FLT1: variants seen among roughly 807,000 people sequenced by gnomAD.
The protein encoded by FLT1 is fms related receptor tyrosine kinase 1, also known as vascular endothelial growth factor receptor 1.
A neutral mutation model predicts 156.3 loss-of-function variants in FLT1; 49 were observed. The ratio of observed to expected loss-of-function variants is 0.31; its 90% CI spans 0.25 to 0.40. The LOEUF is 0.40. Ranked by LOEUF, FLT1 falls within the 10% of genes least tolerant of loss-of-function variation. FLT1 has a pLI of 1.00. For missense variants in FLT1, 1,322 were observed against 1,637.2 expected (o/e 0.81, Z 3.32); for synonymous variants, 594 against 583.8 (o/e 1.02, Z -0.25).
At chr13:28,432,694 A>G (rs1877767771) in intron 6 of FLT1, among the ~76,000 whole-genome samples, 1 of 152,248 alleles carries the variant, frequency 6.6e-6, no homozygotes, top group South Asian at 2.1e-4. Context: ...GGATATTTCC[A>G]TCACAGAAAG....
At chr13:28,458,152 G>T (rs1180216403) in intron 3 of FLT1, among the ~76,000 whole-genome samples, 1 of 151,866 alleles carries the variant, frequency 6.6e-6, no homozygotes, top group Non-Finnish European at 1.5e-5. Context: ...CGTCAGGCTG[G>T]TGACCCCAAG....
chr13:28,485,736 G>T (rs749933271), intron 1 of FLT1, among the ~76,000 whole-genome samples: 1 of 152,176 alleles, frequency 6.6e-6, no homozygotes, highest in Non-Finnish European at 1.5e-5. Context: ...TGTTGTAGGC[G>T]TTCCAAAGCC....
At chr13:28,457,933 C>CTTTTTTTTTTTTTTTTTTT (rs894090277) in intron 3 of FLT1, among the ~76,000 whole-genome samples, 10 of 114,206 alleles carry the variant, frequency 8.8e-5, no homozygotes, top group East Asian at 2.4e-4. Context: ...CTTTCCTTTT[C>CTTTTTTTTTTTTTTTTTTT]TTTTTTTTTT....
Position 28,300,526 on chromosome 13 carries a change from CACACA to C in FLT1, c.*2636_*2640del, listed in dbSNP as rs1282821298. The C allele has an allele frequency of 2.5e-3, 39 of 15,720 alleles. No homozygotes were observed. In the Admixed American group the frequency reaches 0.025, roughly 10 times the overall value. 1.0% of individuals were successfully genotyped at this position (15,720 alleles called of 1,614,324 possible). A position where few individuals can be genotyped will look rare whatever the true frequency, so the allele number is the denominator to read the frequency against. The stretch of plus-strand genomic sequence containing the variant: ...TGCACAAAACACACATACACCCACA[CACACA>C]CACACACACACACACACACACACAC... On this transcript the variant is annotated 3_prime_UTR_variant, in exon 30 of 30. Coordinates refer to ENST00000282397, the MANE Select transcript of FLT1 (RefSeq NM_002019.4).
chr13:28,398,668 G>C (rs1349270937), intron 11 of FLT1, among the ~76,000 whole-genome samples: 1 of 152,096 alleles, frequency 6.6e-6, no homozygotes, highest in East Asian at 1.9e-4. Flanking sequence ...TATACTCCCT[G>C]TGTATTATTG....
At chr13:28,455,616 C>A (rs1367899882) in intron 3 of FLT1, among the ~76,000 whole-genome samples, 1 of 152,138 alleles carries the variant, frequency 6.6e-6, no homozygotes, top group African/African-American at 2.4e-5. Context: ...AAGGCATGAT[C>A]TACAAAACAA....
intron 20 of FLT1, among the ~76,000 whole-genome samples, 185 bp from the exon 21 acceptor site, chr13:28,323,131 A>G (rs889669839): frequency 7.9e-5 from 12 of 151,904 alleles, no homozygotes; most frequent in Admixed American, 3.3e-4. Flanking sequence ...TGCAGAGTCT[A>G]TTGTGCTCTT....
At chr13:28,486,211 A>G (rs1396628163) in intron 1 of FLT1, among the ~76,000 whole-genome samples, 1 of 152,176 alleles carries the variant, frequency 6.6e-6, no homozygotes, top group Admixed American at 6.5e-5. Flanking sequence ...AGGAAGGGGG[A>G]AGCAGTTTGA....
intron 15 of FLT1, among the ~76,000 whole-genome samples, chr13:28,346,027 A>G (rs1872555033): frequency 6.6e-6 from 1 of 151,932 alleles, no homozygotes; most frequent in Non-Finnish European, 1.5e-5. Flanking sequence ...AAAATTCTTC[A>G]AAGTAGAATT....
chr13:28,422,643 A>G (rs1004592420), intron 10 of FLT1, among the ~76,000 whole-genome samples: 1 of 152,194 alleles, frequency 6.6e-6, no homozygotes, highest in African/African-American at 2.4e-5. Flanking sequence ...TCATGAGAGT[A>G]CCAGGAAGGA....
At position 28,438,248 on chromosome 13, in the gene FLT1, T is replaced by G; in HGVS notation, c.486A>C (p.Ser162=). 1 of 1,614,028 alleles carries G rather than the reference T, an allele frequency of 6.2e-7. No homozygotes were observed. The highest frequency in any genetic ancestry group is 8.5e-7 in the Non-Finnish European group (1 of 1,179,882). The part of the protein sequence containing the change: ...RELVIPCRVT[S]PNITVTLKKF... ...TTTTTAAAGTAACAGTGATGTTAGGTGACGTAACCCGGCAGGGAATGACGA... is the reference window on the plus strand; with the variant it reads ...TTTTTAAAGTAACAGTGATGTTAGGGGACGTAACCCGGCAGGGAATGACGA... The change falls in exon 4 of 30, where the codon TCA becomes TCC. Residue 162 remains serine, a synonymous_variant. Coordinates refer to ENST00000282397, the MANE Select transcript of FLT1 (RefSeq NM_002019.4).
At chr13:28,389,322 T>C (rs1372365817) in intron 13 of FLT1, 2 of 1,220,212 alleles carry the variant, frequency 1.6e-6, no homozygotes, top group African/African-American at 3.1e-5. Flanking sequence ...GTGTCCATCT[T>C]TGGCAGAAAC....
intron 3 of FLT1, among the ~76,000 whole-genome samples, chr13:28,452,746 T>G (rs1403856890): frequency 6.6e-6 from 1 of 152,130 alleles, no homozygotes; most frequent in Non-Finnish European, 1.5e-5. Context: ...GTTCTTTATA[T>G]TTTTAGATTA....
intron 1 of FLT1, among the ~76,000 whole-genome samples, chr13:28,485,953 T>C (rs600263): frequency 0.62 from 94,504 of 152,050 alleles, 29,554 homozygotes; most frequent in South Asian, 0.68. Flanking sequence ...CAGCTGAGCC[T>C]AGCCCAAAGG....
intron 10 of FLT1, among the ~76,000 whole-genome samples, chr13:28,414,149 C>T (rs79568891): frequency 0.026 from 3,902 of 152,190 alleles, 156 homozygotes; most frequent in African/African-American, 0.086. Context: ...ATTAGTGTCC[C>T]GCAGCGTATG....
rs145629945 is a variant in FLT1, at chr13:28,389,432, T to G, written c.1969+364A>C. The G allele has an allele frequency of 4.2e-4, 534 of 1,284,796 alleles. 2 individuals are homozygous for G. In the African/African-American group the frequency reaches 7.2e-3, roughly 17 times the overall value. The allele number at this position is 1,284,796 out of a possible 1,614,324, so 79.6% of individuals were successfully genotyped here. Reference sequence around the variant, plus strand: ...AGGAAAGGATCATCCCAAGTTGTTGTTTATCAGGCAGGAGAAAACAGCAAG... The same window carrying G: ...AGGAAAGGATCATCCCAAGTTGTTGGTTATCAGGCAGGAGAAAACAGCAAG... On this transcript the variant is annotated intron_variant, in intron 13 of 29. Transcript: ENST00000282397.
rs1007438357 is a variant in FLT1, at chr13:28,394,370, C to T, written c.1660+2590G>A. 4.6e-5 allele frequency among the ~76,000 whole-genome samples: 7 copies of T among 152,062 alleles called. No homozygotes were observed. The East Asian group carries it at 1.4e-3, about 29-fold the overall frequency. On this transcript the variant is annotated intron_variant, in intron 12 of 29. Coordinates refer to ENST00000282397, the MANE Select transcript of FLT1 (RefSeq NM_002019.4). ...GAATTCTCATTTTGTATGGATAAGC[C>T]TTGGGATCTAGAAGAGGTTTCCACC...
rs1274830897 is a variant in FLT1, at chr13:28,414,377, A to G, written c.1437-8483T>C. On this transcript the variant is annotated intron_variant, in intron 10 of 29. Transcript: ENST00000282397. The stretch of plus-strand genomic sequence containing the variant: ...TGTGAACTACCTCAAATTCTTTGGG[A>G]ATGGATGTGTTCTTAGCATAGCCAA... 2.6e-5 allele frequency among the ~76,000 whole-genome samples: 4 copies of G among 152,300 alleles called. No individual in the cohort carries two copies. The East Asian group carries it at 7.7e-4, about 29-fold the overall frequency.
intron 1 of FLT1, among the ~76,000 whole-genome samples, chr13:28,475,382 G>A (rs1880483766): frequency 6.6e-6 from 1 of 152,106 alleles, no homozygotes; most frequent in Non-Finnish European, 1.5e-5. Flanking sequence ...GTTTTCAGTA[G>A]TACATAATCC....
Sources: allele counts gnomAD v4.1 joint callset (sites outside exome capture counted in the v4.1 genomes callset), GRCh38; gene constraint gnomAD v4.1.1; transcripts MANE v1.5; gene names NCBI Gene and HGNC (gene_info 2026-07-23, HGNC 2026-07-21).